NAMPT: variants seen among roughly 807,000 people sequenced by gnomAD.
NAMPT encodes nicotinamide phosphoribosyltransferase.
A neutral mutation model predicts 58.7 loss-of-function variants in NAMPT; 7 were observed. That is an observed-to-expected ratio of 0.12 (90% CI 0.07 to 0.22). The LOEUF (loss-of-function observed/expected upper bound fraction) is 0.22, where lower values mean the gene tolerates loss of function less well. Ranked by LOEUF, NAMPT falls within the 10% of genes least tolerant of loss-of-function variation. The pLI is 1.00. For missense variants in NAMPT, 271 were observed against 567.9 expected (o/e 0.48, Z 5.31); for synonymous variants, 145 against 198.1 (o/e 0.73, Z 2.25).
intron 8 of NAMPT, among the ~76,000 whole-genome samples, chr7:106,257,901 G>GTC (rs1792232561): frequency 6.6e-6 from 1 of 151,970 alleles, no homozygotes; most frequent in East Asian, 1.9e-4. Context: ...AGGGGTGTGT[G>GTC]TGTGTGTCTG....
At chr7:106,251,605 C>T (rs967466819) in intron 10 of NAMPT, among the ~76,000 whole-genome samples, 2 of 151,978 alleles carry the variant, frequency 1.3e-5, no homozygotes, top group Non-Finnish European at 2.9e-5. Context: ...ACAAACTCAA[C>T]AGTGATTAAA....
chr7:106,285,669 A>C, upstream of NAMPT: 1 of 854,014 alleles, frequency 1.2e-6, no homozygotes, highest in Non-Finnish European at 1.4e-6. Context: ...GGCCCCTTTC[A>C]TCTGATGCAG....
intron 4 of NAMPT, 122 bp downstream of exon 4, chr7:106,272,408 G>T (rs142282516): frequency 2.0e-5 from 17 of 830,818 alleles, no homozygotes; most frequent in Admixed American, 6.7e-5. Flanking sequence ...ATTGAAGCCT[G>T]GAAAGGTTAA....
chr7:106,275,182 T>C (rs2115810131), intron 2 of NAMPT, 133 bp from the exon 3 acceptor site: 1 of 511,774 alleles, frequency 2.0e-6, no homozygotes, highest in Admixed American at 3.8e-5. Flanking sequence ...GGTTAAATGC[T>C]CACCCAGAGT....
chr7:106,261,650 A>G lies in NAMPT; in HGVS notation c.1027T>C (p.Leu343=), dbSNP rs748861383. ...PVTENSKGYK[L]LPPYLRVIQG... is the part of the protein sequence containing the mutation. Reference sequence around the variant, plus strand: ...ATAACTCTAAGATAAGGTGGCAGCAACTTGTAACCCTTTGAGTTCTCAGTA... The same window carrying G: ...ATAACTCTAAGATAAGGTGGCAGCAGCTTGTAACCCTTTGAGTTCTCAGTA... The change falls in exon 8 of 11, where the codon TTG becomes CTG. Residue 343 remains leucine, a synonymous_variant. Transcript: ENST00000222553. 1.3e-6 allele frequency: 2 copies of G among 1,598,592 alleles called. No individual in the cohort carries two copies. The highest frequency in any genetic ancestry group is 2.2e-5 in the South Asian group (2 of 90,790).
chr7:106,277,390 T>TTACA (rs1289478026), intron 1 of NAMPT, among the ~76,000 whole-genome samples: 1 of 152,194 alleles, frequency 6.6e-6, no homozygotes, highest in East Asian at 1.9e-4. Context: ...GCGTTAAATT[T>TTACA]TACATACAAG....
chr7:106,280,100 A>ATGAT lies in NAMPT; in HGVS notation c.58-2925_58-2922dup, dbSNP rs1332366085. Among the ~76,000 whole-genome samples the ATGAT allele has an allele frequency of 2.0e-5, 3 of 152,194 alleles. No homozygotes were observed. In the East Asian group the frequency reaches 5.8e-4, roughly 29 times the overall value. On this transcript the variant is annotated intron_variant, in intron 1 of 10. Transcript: ENST00000222553. ...TGTTTTAAGCTGGGGTGAATATGAC[A>ATGAT]TGATTCACCTTTTAAAAGGATTAGC...
intron 6 of NAMPT, 33 bp from the exon 7 acceptor site, chr7:106,263,650 A>G (rs754314454): frequency 7.3e-6 from 11 of 1,504,036 alleles, no homozygotes; most frequent in Non-Finnish European, 1.0e-5. Flanking sequence ...AGATTTACTT[A>G]GGCAGACACT....
chr7:106,262,096 T>G (rs1792314112), intron 7 of NAMPT, among the ~76,000 whole-genome samples: 1 of 152,102 alleles, frequency 6.6e-6, no homozygotes, highest in Non-Finnish European at 1.5e-5. Flanking sequence ...TTATTCTGCT[T>G]GTGCCCAATG....
intron 2 of NAMPT, chr7:106,275,334 C>T (rs17152828): frequency 0.23 from 43,732 of 191,434 alleles, 5,799 homozygotes; most frequent in East Asian, 0.5. Flanking sequence ...TTTTTTCTCT[C>T]GATTAATTTT....
At chr7:106,284,674 C>G (rs1430752891) in intron 1 of NAMPT, 154 bp downstream of exon 1, 12 of 905,512 alleles carry the variant, frequency 1.3e-5, no homozygotes, top group Admixed American at 5.0e-5. Flanking sequence ...CTGCCCCAGC[C>G]GCCGCCGCCC....
intron 8 of NAMPT, among the ~76,000 whole-genome samples, chr7:106,258,131 AAT>A (rs1282177524): frequency 6.6e-6 from 1 of 152,134 alleles, no homozygotes; most frequent in Non-Finnish European, 1.5e-5. Context: ...CCCAACACCA[AAT>A]GTCTTAGCTG....
chr7:106,277,215 G>T (rs567892454), intron 1 of NAMPT, 36 bp from the exon 2 acceptor site: 28 of 1,528,226 alleles, frequency 1.8e-5, no homozygotes, highest in Non-Finnish European at 2.3e-5. Flanking sequence ...AGAAAACACC[G>T]ATGAGTAGAC....
In NAMPT at chr7:106,258,271, A is replaced by AAATACTGTTTGATTT. The variant is rs576076837; in HGVS notation, c.1089+3302_1089+3316dup. Among the ~76,000 whole-genome samples the AAATACTGTTTGATTT allele has an allele frequency of 2.7e-3, 411 of 152,322 alleles. 1 individual carries two copies. Among genetic ancestry groups the AAATACTGTTTGATTT allele is most frequent in the Middle Eastern group, 6.8e-3 (2 of 294 alleles). On this transcript the variant is annotated intron_variant, in intron 8 of 10. Coordinates refer to ENST00000222553, the MANE Select transcript of NAMPT (RefSeq NM_005746.3). Reference sequence around the variant, plus strand: ...AACTCTAAATACACCATCACCGCAGAAATACTGTTTGATTTGGAAGTGAGA... The same window carrying AAATACTGTTTGATTT: ...AACTCTAAATACACCATCACCGCAGAAATACTGTTTGATTTAATACTGTTTGATTTGGAAGTGAGA...
chr7:106,251,201 A>G lies in NAMPT; in HGVS notation c.1366-8T>C, dbSNP rs70937087. The G allele has an allele frequency of 4.6e-3, 7,158 of 1,560,756 alleles. 38 individuals carry two copies. Among genetic ancestry groups the G allele is most frequent in the Middle Eastern group, 6.7e-3 (40 of 5,950 alleles). ...GACAGTATGGAGAAGATCCTGCATA[A>G]ATGGAAATTTCATGATTATATTACA... is the stretch of plus-strand genomic sequence containing the variant. On this transcript the variant is annotated splice_region_variant and splice_polypyrimidine_tract_variant and intron_variant, in intron 10 of 10. Coordinates refer to ENST00000222553, the MANE Select transcript of NAMPT (RefSeq NM_005746.3).
upstream of NAMPT, chr7:106,285,152 C>G (rs1792848489): frequency 7.9e-7 from 1 of 1,265,300 alleles, no homozygotes; most frequent in Non-Finnish European, 1.0e-6. Flanking sequence ...GCCTTCACCC[C>G]GTCACCCTCC....
intron 1 of NAMPT, among the ~76,000 whole-genome samples, chr7:106,280,657 A>G (rs1158699731): frequency 6.6e-6 from 1 of 152,124 alleles, no homozygotes; most frequent in Non-Finnish European, 1.5e-5. Flanking sequence ...GTGGTAAAGA[A>G]CTGGCCGGGC....
rs1414762352 is a variant in NAMPT, at chr7:106,250,869, A to T, written c.*214T>A. 1.5e-5 allele frequency: 8 copies of T among 516,300 alleles called. No homozygotes were observed. Among genetic ancestry groups the T allele is most frequent in the African/African-American group, 1.0e-4 (5 of 49,948 alleles). 32.0% of individuals were successfully genotyped at this position (516,300 alleles called of 1,614,324 possible). ...TGACTACCTATTGGCAAAGGGCCCT[A>T]AAAAGCTTACTTTAGCACTCATCTT... is the stretch of plus-strand genomic sequence containing the variant. On this transcript the variant is annotated 3_prime_UTR_variant, in exon 11 of 11. Coordinates refer to ENST00000222553, the MANE Select transcript of NAMPT (RefSeq NM_005746.3).
intron 1 of NAMPT, among the ~76,000 whole-genome samples, chr7:106,279,121 A>C (rs1792707336): frequency 6.6e-6 from 1 of 152,224 alleles, no homozygotes; most frequent in Non-Finnish European, 1.5e-5. Flanking sequence ...AAATATTTAT[A>C]ATTTTAAAGC....
Sources: allele counts gnomAD v4.1 joint callset (sites outside exome capture counted in the v4.1 genomes callset), GRCh38; gene constraint gnomAD v4.1.1; transcripts MANE v1.5; gene names NCBI Gene and HGNC (gene_info 2026-07-23, HGNC 2026-07-21).